CSMD1: variants seen among roughly 807,000 people sequenced by gnomAD.
CSMD1 encodes the protein CUB and sushi domain-containing protein 1.
Under a neutral mutation model 417.5 loss-of-function variants are expected in CSMD1, and 213 were observed. That is an observed-to-expected ratio of 0.51 (90% CI 0.46 to 0.57). CSMD1 has a LOEUF of 0.57. Ranked by LOEUF, CSMD1 falls within the 20% of genes least tolerant of loss-of-function variation. CSMD1 has a pLI of 0.00. For missense variants in CSMD1, 6,923 were observed against 4,529.7 expected (o/e 1.53, Z -15.17); for synonymous variants, 2,862 against 1,736.8 (o/e 1.65, Z -16.11).
At chr8:3,147,104 T>A (rs552602832) in intron 40 of CSMD1, among the ~76,000 whole-genome samples, 23 of 152,290 alleles carry the variant, frequency 1.5e-4, no homozygotes, top group East Asian at 1.2e-3. Context: ...GCCCTGAGAA[T>A]CCAAATCCCA....
At chr8:4,271,069 G>T (rs544071648) in intron 3 of CSMD1, among the ~76,000 whole-genome samples, 1 of 152,154 alleles carries the variant, frequency 6.6e-6, no homozygotes, top group Non-Finnish European at 1.5e-5. Flanking sequence ...GGTGCAGAAA[G>T]TTCAGAATGT....
At chr8:3,162,041 G>A in intron 38 of CSMD1, 118 bp downstream of exon 38, 1 of 671,782 alleles carries the variant, frequency 1.5e-6, no homozygotes, top group Non-Finnish European at 2.7e-6. Flanking sequence ...AATATGAATA[G>A]TATGATTCAC....
intron 1 of CSMD1, among the ~76,000 whole-genome samples, chr8:4,940,007 G>C (rs1198834417): frequency 1.3e-5 from 2 of 152,162 alleles, no homozygotes; most frequent in African/African-American, 4.8e-5. Flanking sequence ...GGAAGATTGG[G>C]AAAACTGAAA....
intron 5 of CSMD1, among the ~76,000 whole-genome samples, chr8:3,982,159 A>AT (rs1342877429): frequency 2.9e-5 from 3 of 104,988 alleles, no homozygotes; most frequent in South Asian, 3.3e-4. Context: ...CTCTATCTCA[A>AT]AAATAATAAT....
intron 3 of CSMD1, among the ~76,000 whole-genome samples, chr8:4,300,694 C>T (rs1191507250): frequency 1.3e-5 from 2 of 152,118 alleles, no homozygotes; most frequent in Admixed American, 1.3e-4. Flanking sequence ...CTCTCCCAAC[C>T]CCACAACAGT....
At chr8:4,782,454 T>G (rs1797202843) in intron 1 of CSMD1, among the ~76,000 whole-genome samples, 1 of 152,200 alleles carries the variant, frequency 6.6e-6, no homozygotes, top group Admixed American at 6.5e-5. Context: ...ATATAGAATT[T>G]GAACACTTTA....
chr8:3,000,083 C>G lies in CSMD1; in HGVS notation c.8078G>C (p.Gly2693Ala), dbSNP rs775947581. 2 of 1,592,046 alleles carry G rather than the reference C, an allele frequency of 1.3e-6. No individual in the cohort carries two copies. Among genetic ancestry groups the G allele is most frequent in the East Asian group, 4.5e-5 (2 of 44,324 alleles). The change falls in exon 53 of 70, where the codon GGA becomes GCA. Residue 2693 changes from glycine (G) to alanine (A), a missense_variant. Coordinates refer to ENST00000635120, the MANE Select transcript of CSMD1 (RefSeq NM_033225.6). ...PDPIVNGHIS[G>A]DGFSYRDTVV... ...CGTGTCTCTGTAACTGAAGCCATCT[C>G]CACTAATGTGACCGTTCACAATCGG... is the stretch of plus-strand genomic sequence containing the variant.
At chr8:4,673,818 G>A (rs765027422) in intron 1 of CSMD1, among the ~76,000 whole-genome samples, 1 of 152,184 alleles carries the variant, frequency 6.6e-6, no homozygotes, top group Non-Finnish European at 1.5e-5. Flanking sequence ...TATATCCACA[G>A]AGACTAAAAG....
intron 50 of CSMD1, among the ~76,000 whole-genome samples, chr8:3,041,496 T>C (rs1811098827): frequency 6.6e-6 from 1 of 152,232 alleles, no homozygotes; most frequent in African/African-American, 2.4e-5. Context: ...ATATTATCCA[T>C]AGCATCAGGT....
At chr8:3,647,938 A>T (rs1423016193) in intron 7 of CSMD1, among the ~76,000 whole-genome samples, 1 of 152,258 alleles carries the variant, frequency 6.6e-6, no homozygotes, top group Non-Finnish European at 1.5e-5. Context: ...TGTAAGAGAC[A>T]TGTGCCACTT....
At chr8:3,605,405 G>T (rs1238588992) in intron 8 of CSMD1, among the ~76,000 whole-genome samples, 4 of 152,160 alleles carry the variant, frequency 2.6e-5, no homozygotes, top group Non-Finnish European at 5.9e-5. Flanking sequence ...GCTCTCGCTG[G>T]AGTTGACCTA....
intron 2 of CSMD1, among the ~76,000 whole-genome samples, chr8:4,444,298 G>A (rs1021354509): frequency 3.9e-5 from 5 of 126,712 alleles, no homozygotes; most frequent in African/African-American, 1.4e-4. Flanking sequence ...AGTGAACTGA[G>A]ATCTCGCGAC....
At chr8:4,327,270 T>C (rs1875894) in intron 3 of CSMD1, among the ~76,000 whole-genome samples, 23,015 of 152,248 alleles carry the variant, frequency 0.15, 1,881 homozygotes, top group African/African-American at 0.19. Flanking sequence ...TTACAGTCAA[T>C]TGCTCTTTAA....
intron 46 of CSMD1, among the ~76,000 whole-genome samples, chr8:3,104,285 T>A (rs1815969109): frequency 1.3e-5 from 2 of 152,194 alleles, no homozygotes; most frequent in Non-Finnish European, 2.9e-5. Flanking sequence ...TAGACCATTG[T>A]TGCTCCTGGA....
At position 3,642,498 on chromosome 8, in the gene CSMD1, C is replaced by G. The variant is rs187122732; in HGVS notation, c.1010-25701G>C. ...TGACCCAAGCAAACACAAATCCTCT[C>G]TGGAGAAAAACTGCCTTTATCCAGG... On this transcript the variant is annotated intron_variant, in intron 7 of 69. Transcript: ENST00000635120. 7.2e-5 allele frequency among the ~76,000 whole-genome samples: 11 copies of G among 152,288 alleles called. No homozygotes were observed. The East Asian group carries it at 1.9e-3, about 27-fold the overall frequency.
chr8:4,713,457 A>G (rs1808443164), intron 1 of CSMD1, among the ~76,000 whole-genome samples: 1 of 152,018 alleles, frequency 6.6e-6, no homozygotes, highest in Admixed American at 6.6e-5. Context: ...GCTGGAGTGC[A>G]GTGGCGCGAT....
intron 3 of CSMD1, among the ~76,000 whole-genome samples, chr8:4,104,488 T>A (rs575238549): frequency 5.3e-5 from 8 of 152,304 alleles, no homozygotes; most frequent in East Asian, 1.9e-4. Flanking sequence ...CTCTATTGAA[T>A]TTTCTTGCTT....
At chr8:3,428,651 T>A (rs961702974) in intron 12 of CSMD1, among the ~76,000 whole-genome samples, 3 of 152,126 alleles carry the variant, frequency 2.0e-5, no homozygotes, top group Non-Finnish European at 4.4e-5. Flanking sequence ...TATGCAGCTT[T>A]CTTATAAAAG....
intron 3 of CSMD1, among the ~76,000 whole-genome samples, chr8:4,143,809 G>T (rs1294545126): frequency 6.6e-6 from 1 of 151,236 alleles, no homozygotes; most frequent in Non-Finnish European, 1.5e-5. Context: ...CTGTTCCAGG[G>T]CCTAGTTACA....
Sources: gnomAD v4.1 joint callset for allele counts (sites outside exome capture counted in the v4.1 genomes callset) on GRCh38, gnomAD v4.1.1 for gene constraint, MANE v1.5 for transcripts, NCBI Gene and HGNC (gene_info 2026-07-23, HGNC 2026-07-21) for gene names.